Variants in EFR3B observed in about 807,000 individuals in gnomAD.
The protein encoded by EFR3B is EFR3 homolog B.
EFR3B carries 64 observed loss-of-function variants against 104.7 expected under a neutral mutation model. The ratio of observed to expected loss-of-function variants is 0.61; its 90% confidence interval spans 0.50 to 0.75. The LOEUF (loss-of-function observed/expected upper bound fraction) is 0.75, where lower values mean the gene tolerates loss of function less well. EFR3B is among the 30% of genes least tolerant of loss of function. The pLI, the probability that EFR3B is intolerant of heterozygous loss-of-function variation, is 0.00. For synonymous variants in EFR3B, 385 were observed against 417.9 expected, an observed-to-expected ratio of 0.92 and a Z score of 0.96; for missense variants, 750 against 1,078.5, an observed-to-expected ratio of 0.70 and a Z score of 4.27.
rs1254912459 is a variant in EFR3B at position 25,157,648 on chromosome 2, T to G, written c.*3308T>G. On this transcript the variant is annotated 3_prime_UTR_variant, in exon 23 of 23. Transcript: ENST00000403714. ...GCTGACAGCACTGAGTAGGCAGGAA[T>G]GTATTTGAGATTTGGAAGTACTGTT... 6.6e-6 allele frequency: 1 copy of G among 152,216 alleles called. No homozygotes were observed. The highest frequency in any genetic ancestry group is 1.5e-5 in the Non-Finnish European group (1 of 68,058). The allele number at this position is 152,216 out of a possible 1,614,324, so 9.4% of individuals were successfully genotyped here. A position where few individuals can be genotyped will look rare whatever the true frequency, so the allele number is the denominator to read the frequency against.
chr2:25,081,482 A>C (rs1404854613), intron 1 of EFR3B: 6 of 1,439,886 alleles, frequency 4.2e-6, no homozygotes. Flanking sequence ...TTGGAAACGG[A>C]GACACCAGCT....
intron 1 of EFR3B, among the ~76,000 whole-genome samples, chr2:25,046,552 G>A (rs1423964366): frequency 7.5e-6 from 1 of 133,276 alleles, no homozygotes; most frequent in Non-Finnish European, 1.7e-5. Flanking sequence ...GCCCAGGCTG[G>A]AGTGCAGTGG....
In EFR3B at chr2:25,121,667, T is replaced by C; in HGVS notation, c.364-6T>C. 9 of 1,551,696 alleles carry C rather than the reference T, an allele frequency of 5.8e-6. No homozygotes were observed. Among genetic ancestry groups the C allele is most frequent in the Non-Finnish European group, 7.0e-6 (8 of 1,146,992 alleles). On this transcript the variant is annotated splice_region_variant and splice_polypyrimidine_tract_variant and intron_variant, in intron 4 of 22. Coordinates refer to ENST00000403714, the MANE Select transcript of EFR3B (RefSeq NM_014971.2). Reference sequence around the variant, plus strand: ...CTCGTGTGTTTCTCTCCTTCCTCCCTGATAGTTTGTGAAGTTTGCCAACAT... The same window carrying C: ...CTCGTGTGTTTCTCTCCTTCCTCCCCGATAGTTTGTGAAGTTTGCCAACAT...
At chr2:25,109,542 C>T (rs1300384966) in intron 4 of EFR3B, among the ~76,000 whole-genome samples, 1 of 152,216 alleles carries the variant, frequency 6.6e-6, no homozygotes, top group Non-Finnish European at 1.5e-5. Context: ...TAATTAACAA[C>T]AGGTTCTCAA....
chr2:25,123,128 T>G (rs1670066909), intron 5 of EFR3B, among the ~76,000 whole-genome samples: 2 of 152,068 alleles, frequency 1.3e-5, no homozygotes, highest in Non-Finnish European at 1.5e-5. Flanking sequence ...TTTGGGAGGC[T>G]GAGGCAGGAG....
chr2:25,123,028 A>T (rs1440394908), intron 5 of EFR3B, among the ~76,000 whole-genome samples: 1 of 152,188 alleles, frequency 6.6e-6, no homozygotes, highest in Non-Finnish European at 1.5e-5. Context: ...TAGCTCACAG[A>T]AGCATACTTG....
chr2:25,119,179 T>C (rs77217061), intron 4 of EFR3B, among the ~76,000 whole-genome samples: 150 of 152,336 alleles, frequency 9.8e-4, no homozygotes, highest in African/African-American at 3.6e-3. Flanking sequence ...TTTGAAACTT[T>C]AAAAGAACCT....
At chr2:25,109,050 A>T (rs879398362) in intron 4 of EFR3B, among the ~76,000 whole-genome samples, 1 of 152,100 alleles carries the variant, frequency 6.6e-6, no homozygotes, top group Non-Finnish European at 1.5e-5. Context: ...ACTTGTATGC[A>T]CCAAAGGACA....
intron 16 of EFR3B, among the ~76,000 whole-genome samples, chr2:25,139,629 C>CTCAGATCATGCAGA (rs1670609138): frequency 6.6e-6 from 1 of 152,220 alleles, no homozygotes; most frequent in Non-Finnish European, 1.5e-5. Flanking sequence ...CAAAGGTGGC[C>CTCAGATCATGCAGA]CGAGTAGAAT....
chr2:25,102,540 C>T (rs1052012184), intron 3 of EFR3B, among the ~76,000 whole-genome samples: 5 of 152,178 alleles, frequency 3.3e-5, no homozygotes, highest in Non-Finnish European at 7.3e-5. Context: ...CCTTATAAAA[C>T]CATCAGATCT....
intron 4 of EFR3B, among the ~76,000 whole-genome samples, chr2:25,109,518 G>T (rs911550116): frequency 7.9e-5 from 12 of 152,198 alleles, no homozygotes; most frequent in African/African-American, 2.9e-4. Context: ...ATTCTGCCGG[G>T]TATATACCCA....
intron 6 of EFR3B, among the ~76,000 whole-genome samples, chr2:25,129,682 C>G (rs1670275396): frequency 6.6e-6 from 1 of 152,200 alleles, no homozygotes; most frequent in African/African-American, 2.4e-5. Context: ...TACACCTCAC[C>G]TGGCCCATGG....
intron 4 of EFR3B, among the ~76,000 whole-genome samples, chr2:25,116,400 G>T (rs1314091077): frequency 2.6e-5 from 4 of 152,200 alleles, no homozygotes; most frequent in Non-Finnish European, 5.9e-5. Flanking sequence ...AAGGCAGGCA[G>T]ATTGCTTGAG....
chr2:25,130,711 A>G lies in EFR3B; in HGVS notation c.849+81A>G. 1 of 1,333,200 alleles carries G rather than the reference A, an allele frequency of 7.5e-7. No individual in the cohort carries two copies. The highest frequency in any genetic ancestry group is 1.1e-6 in the Non-Finnish European group (1 of 950,244). The allele number at this position is 1,333,200 out of a possible 1,614,324, so 82.6% of individuals were successfully genotyped here. On this transcript the variant is annotated intron_variant, in intron 8 of 22. Transcript: ENST00000403714. This position sits in a 1 kb window ranked among gnomAD's most constrained non-coding sequence, Gnocchi z 4.6. ...TAGACGGGTGCTAAAATAGAAAGCC[A>G]GAAGTCCCCTGTGACTCCTCCGAAG...
At chr2:25,125,142 C>T (rs182305900) in intron 5 of EFR3B, among the ~76,000 whole-genome samples, 254 of 152,302 alleles carry the variant, frequency 1.7e-3, no homozygotes, top group Non-Finnish European at 1.5e-3. Flanking sequence ...TTTTGAAAGG[C>T]ACGGTCAGCT....
chr2:25,118,812 G>A (rs1018007588), intron 4 of EFR3B, among the ~76,000 whole-genome samples: 11 of 150,884 alleles, frequency 7.3e-5, no homozygotes, highest in African/African-American at 1.9e-4. Context: ...AGGCCAAGGC[G>A]GGCGGATCAT....
intron 12 of EFR3B, 119 bp from the exon 13 acceptor site, chr2:25,135,348 G>A: frequency 1.7e-6 from 2 of 1,204,258 alleles, no homozygotes; most frequent in Non-Finnish European, 1.2e-6. Context: ...GGCTGGATTG[G>A]GCGATGTCTA....
At chr2:25,069,213 T>C (rs1668423866) in intron 1 of EFR3B, among the ~76,000 whole-genome samples, 1 of 152,166 alleles carries the variant, frequency 6.6e-6, no homozygotes, top group Non-Finnish European at 1.5e-5. Context: ...TGGCCTGTAC[T>C]GGAGTCACTT....
intron 5 of EFR3B, among the ~76,000 whole-genome samples, chr2:25,124,200 C>T (rs1400775872): frequency 6.6e-6 from 1 of 151,778 alleles, no homozygotes; most frequent in Admixed American, 6.6e-5. Flanking sequence ...GTCTAGGAAC[C>T]CAGAGGCTGC....
Sources: allele counts gnomAD v4.1 joint callset (sites outside exome capture counted in the v4.1 genomes callset), GRCh38; gene constraint gnomAD v4.1.1; non-coding constraint Gnocchi (gnomAD v3.1); transcripts MANE v1.5; gene names NCBI Gene and HGNC (gene_info 2026-07-23, HGNC 2026-07-21).